CNTRL: variants seen among roughly 807,000 people sequenced by gnomAD.
CNTRL encodes the protein centriolin.
Under a neutral mutation model 303.7 loss-of-function variants are expected in CNTRL, and 233 were observed. The observed-to-expected ratio is 0.77, with a 90% CI of 0.69 to 0.86. CNTRL has a LOEUF of 0.86. Ranked by LOEUF, CNTRL falls within the 40% of genes least tolerant of loss-of-function variation. The pLI is 0.00. For synonymous variants in CNTRL, 900 were observed against 922.2 expected, an observed-to-expected ratio of 0.98 and a Z score of 0.44; for missense variants, 2,524 against 2,650.6, an observed-to-expected ratio of 0.95 and a Z score of 1.05.
In CNTRL at chr9:121,150,423, C is replaced by A. The variant is rs1403856001; in HGVS notation, c.3903C>A (p.Phe1301Leu). 1 of 1,614,204 alleles carries A rather than the reference C, an allele frequency of 6.2e-7. No individual in the cohort carries two copies. ...TGTATGGGCCTCCACCCCCCAACTTCTCCATCCCCTTCATCCCTATGGGTG... is the reference window on the plus strand; with the variant it reads ...TGTATGGGCCTCCACCCCCCAACTTATCCATCCCCTTCATCCCTATGGGTG... ...PMVYGPPPPN[F>L]SIPFIPMGVL... The change falls in exon 25 of 44, where the codon TTC becomes TTA. Residue 1301 changes from phenylalanine (F) to leucine (L), a missense_variant. Phe to Leu is a conservative substitution (Grantham distance 22). Transcript: ENST00000373855.
chr9:121,092,165 T>C, intron 4 of CNTRL, among the ~76,000 whole-genome samples: 1 of 147,062 alleles, frequency 6.8e-6, no homozygotes, highest in East Asian at 2.0e-4. Context: ...TATATAAATA[T>C]ATACATATTT....
At position 121,090,408 on chromosome 9, in the gene CNTRL, A is replaced by G. The variant is rs1301296009; in HGVS notation, c.348+3A>G. 1.3e-5 allele frequency: 21 copies of G among 1,608,462 alleles called. No individual in the cohort carries two copies. The highest frequency in any genetic ancestry group is 1.8e-5 in the Non-Finnish European group (21 of 1,178,226). Reference sequence around the variant, plus strand: ...AAGACGGTGGCAAGAAATTTAAGGTAGGTTACCAACAATTTCTGAGCATAG... The same window carrying G: ...AAGACGGTGGCAAGAAATTTAAGGTGGGTTACCAACAATTTCTGAGCATAG... On this transcript the variant is annotated splice_donor_region_variant and intron_variant, in intron 4 of 43. Transcript: ENST00000373855.
chr9:121,085,292 T>G (rs1268858249), intron 2 of CNTRL, among the ~76,000 whole-genome samples: 1 of 152,248 alleles, frequency 6.6e-6, no homozygotes, highest in Non-Finnish European at 1.5e-5. Context: ...TCTGGGATTC[T>G]GGAAATATTC....
rs1178489689 is a variant in CNTRL at position 121,162,053 on chromosome 9, G to C, written c.5206-1G>C. 3 of 1,613,974 alleles carry C rather than the reference G, an allele frequency of 1.9e-6. No individual in the cohort carries two copies. Among genetic ancestry groups the C allele is most frequent in the Admixed American group, 3.3e-5 (2 of 60,000 alleles). ...TTTGAGTCCTCTTTTATCTGATTTA[G>C]GAGAAACTGGAGTTAGAGAATTTGC... On this transcript the variant is annotated splice_acceptor_variant, in intron 33 of 43. Transcript: ENST00000373855. LOFTEE classifies it high-confidence loss of function.
Position 121,096,487 on chromosome 9 carries a change from A to G in CNTRL, c.545A>G (p.Glu182Gly), listed in dbSNP as rs2048896640. The G allele has an allele frequency of 6.4e-7, 1 of 1,573,048 alleles. No individual in the cohort carries two copies. The highest frequency in any genetic ancestry group is 1.7e-4 in the Middle Eastern group (1 of 5,874). ...QKLNLAGNEIEHIPVWLGKKL... is the reference protein window; with the variant it reads ...QKLNLAGNEIGHIPVWLGKKL... ...CTTAACCTTGCAGGAAATGAAATTG[A>G]GCATATTCCAGTATGGTTAGGGAAG... is the stretch of plus-strand genomic sequence containing the variant. Residue 182 changes from glutamate to glycine, a missense_variant, in exon 6 of 44, where the codon GAG becomes GGG. By Grantham distance (98) the Glu-to-Gly change is moderately conservative (BLOSUM62 -2). Coordinates refer to ENST00000373855, the MANE Select transcript of CNTRL (RefSeq NM_007018.6).
At chr9:121,176,872 A>G (rs2053547315) in intron 43 of CNTRL, among the ~76,000 whole-genome samples, 1 of 152,224 alleles carries the variant, frequency 6.6e-6, no homozygotes, top group African/African-American at 2.4e-5. Context: ...AAGGTCCATC[A>G]GAACCACTAG....
chr9:121,109,136 A>G (rs867741673), intron 8 of CNTRL, among the ~76,000 whole-genome samples: 12 of 152,288 alleles, frequency 7.9e-5, no homozygotes. Flanking sequence ...TGACTTTCGT[A>G]CATCCTCTAG....
chr9:121,106,374 A>C (rs994766745), intron 7 of CNTRL, among the ~76,000 whole-genome samples: 1 of 151,800 alleles, frequency 6.6e-6, no homozygotes, highest in Non-Finnish European at 1.5e-5. Context: ...CAAAGTGGAG[A>C]AACAAGACAT....
At chr9:121,162,422 G>T in intron 34 of CNTRL, 151 bp downstream of exon 34, 17 of 628,108 alleles carry the variant, frequency 2.7e-5, no homozygotes, top group East Asian at 9.1e-5. Flanking sequence ...TTTTTTTGGA[G>T]AATTTCCTTC....
intron 36 of CNTRL, among the ~76,000 whole-genome samples, chr9:121,167,012 G>A (rs1036814167): frequency 1.6e-5 from 2 of 125,004 alleles, no homozygotes; most frequent in African/African-American, 5.9e-5. Flanking sequence ...CAAGAGTGAA[G>A]CTCTGTCTCA....
chr9:121,104,430 C>T (rs1216328042), intron 7 of CNTRL, among the ~76,000 whole-genome samples: 6 of 151,896 alleles, frequency 4.0e-5, no homozygotes, highest in Non-Finnish European at 8.8e-5. Context: ...ATGTAAATGA[C>T]GAGTTAATGG....
intron 32 of CNTRL, 120 bp from the exon 33 acceptor site, chr9:121,161,736 G>A (rs2131755085): frequency 1.6e-6 from 1 of 644,134 alleles, no homozygotes. Context: ...CATTAATTCA[G>A]CTCAACAAAA....
intron 8 of CNTRL, chr9:121,111,393 C>T (rs2049740338): frequency 6.6e-6 from 1 of 152,140 alleles, no homozygotes; most frequent in African/African-American, 2.4e-5. Context: ...GAGTATTTGG[C>T]TCAATGTTAC....
chr9:121,138,794 A>G, intron 16 of CNTRL, 115 bp downstream of exon 16: 1 of 1,035,266 alleles, frequency 9.7e-7, no homozygotes, highest in South Asian at 1.7e-5. Flanking sequence ...TTGAATTACT[A>G]GAAAAAAGGG....
At chr9:121,102,865 A>T (rs1272906920) in intron 7 of CNTRL, among the ~76,000 whole-genome samples, 1 of 152,228 alleles carries the variant, frequency 6.6e-6, no homozygotes, top group Non-Finnish European at 1.5e-5. Context: ...CTCTTCAAGG[A>T]GAATTACAAA....
Position 121,143,939 on chromosome 9 carries a change from T to G in CNTRL, c.2908T>G (p.Phe970Val), listed in dbSNP as rs140417376. 1 of 1,604,912 alleles carries G rather than the reference T, an allele frequency of 6.2e-7. No individual in the cohort carries two copies. Among genetic ancestry groups the G allele is most frequent in the Non-Finnish European group, 8.5e-7 (1 of 1,177,584 alleles). Residue 970 changes from phenylalanine to valine, a missense_variant, in exon 20 of 44, where the codon TTT becomes GTT. Transcript: ENST00000373855. The part of the protein sequence containing the change: ...LEDAKSQEQV[F>V]GLDKELKKLK... Reference sequence around the variant, plus strand: ...AGATGCCAAATCTCAGGAGCAAGTTTTTGGTTTAGATAAAGAACTGAAGAA... The same window carrying G: ...AGATGCCAAATCTCAGGAGCAAGTTGTTGGTTTAGATAAAGAACTGAAGAA...
At chr9:121,103,424 C>A (rs1318287297) in intron 7 of CNTRL, among the ~76,000 whole-genome samples, 1 of 152,082 alleles carries the variant, frequency 6.6e-6, no homozygotes, top group African/African-American at 2.4e-5. Context: ...ACTTAAATGT[C>A]AGACCTAAAA....
chr9:121,143,847 T>C, intron 19 of CNTRL, 56 bp from the exon 20 acceptor site: 1 of 1,423,766 alleles, frequency 7.0e-7, no homozygotes, highest in Non-Finnish European at 9.6e-7. Flanking sequence ...AGCTTACATC[T>C]GAATTCATTC....
At chr9:121,117,941 T>C (rs1258472417) in intron 11 of CNTRL, among the ~76,000 whole-genome samples, 2 of 150,724 alleles carry the variant, frequency 1.3e-5, no homozygotes, top group Non-Finnish European at 2.9e-5. Context: ...ATCGCGCCAC[T>C]GCACTCCACC....
Sources: gnomAD v4.1 joint callset for allele counts (sites outside exome capture counted in the v4.1 genomes callset) on GRCh38, gnomAD v4.1.1 for gene constraint, MANE v1.5 for transcripts, NCBI Gene and HGNC (gene_info 2026-07-23, HGNC 2026-07-21) for gene names.